Variants in PKIA observed in about 807,000 individuals in gnomAD.
The protein encoded by PKIA is PKI-alpha.
PKIA carries 4 observed loss-of-function variants against 7.6 expected under a neutral mutation model. The ratio of observed to expected loss-of-function variants is 0.52; its 90% CI spans 0.26 to 1.20. The LOEUF is 1.20. Among genes scored for constraint, PKIA ranks in the 50% most tolerant of loss-of-function variants. PKIA has a pLI of 0.13. For missense variants in PKIA, 73 were observed against 86.2 expected, an observed-to-expected ratio of 0.85 and a Z score of 0.61; for synonymous variants, 21 against 30.7, an observed-to-expected ratio of 0.68 and a Z score of 1.04.
chr8:78,603,610 AAC>A lies in PKIA; in HGVS notation c.*1793_*1794del, dbSNP rs1276722370. 1.3e-5 allele frequency: 2 copies of A among 151,984 alleles called. No homozygotes were observed. The highest frequency in any genetic ancestry group is 4.8e-5 in the African/African-American group (2 of 41,416). 9.4% of individuals were successfully genotyped at this position (151,984 alleles called of 1,614,324 possible). ...GGGCCAAAATGCCCAGTAAAATTCA[AAC>A]ACATCACCTATTAATAGACTTACAA... is the stretch of plus-strand genomic sequence containing the variant. On this transcript the variant is annotated 3_prime_UTR_variant, in exon 4 of 4. Transcript: ENST00000396418.
chr8:78,518,403 A>G (rs1809355736), intron 1 of PKIA, among the ~76,000 whole-genome samples: 1 of 152,234 alleles, frequency 6.6e-6, no homozygotes, highest in Non-Finnish European at 1.5e-5. Flanking sequence ...CAAACCCTGT[A>G]TTCTACCACC....
At chr8:78,563,557 T>A (rs1465511672) in intron 1 of PKIA, among the ~76,000 whole-genome samples, 1 of 152,096 alleles carries the variant, frequency 6.6e-6, no homozygotes, top group African/African-American at 2.4e-5. Flanking sequence ...ACTTTATTTT[T>A]AAAAGAAGGA....
chr8:78,547,126 T>C (rs775730734), intron 1 of PKIA, among the ~76,000 whole-genome samples: 1 of 152,178 alleles, frequency 6.6e-6, no homozygotes, highest in Non-Finnish European at 1.5e-5. Flanking sequence ...TTTGTTTTTT[T>C]GTGATTGGAG....
intron 1 of PKIA, among the ~76,000 whole-genome samples, chr8:78,568,655 A>ACAGGGCACCACAGGAGCCT (rs1389173879): frequency 6.6e-6 from 1 of 152,158 alleles, no homozygotes; most frequent in Non-Finnish European, 1.5e-5. Context: ...CATAGCTCAG[A>ACAGGGCACCACAGGAGCCT]CAGGGCACCA....
chr8:78,547,629 C>G (rs1170826789), intron 1 of PKIA, among the ~76,000 whole-genome samples: 2 of 152,086 alleles, frequency 1.3e-5, no homozygotes, highest in Non-Finnish European at 2.9e-5. Flanking sequence ...AATTTAAAGA[C>G]ATAAGATGAG....
At chr8:78,535,822 C>T (rs1585874689) in intron 1 of PKIA, 1 of 152,006 alleles carries the variant, frequency 6.6e-6, no homozygotes, top group Non-Finnish European at 1.5e-5. Flanking sequence ...TTAGGAATTA[C>T]AAGTAATTTA....
chr8:78,546,855 T>C (rs1806837060), intron 1 of PKIA, among the ~76,000 whole-genome samples: 1 of 152,220 alleles, frequency 6.6e-6, no homozygotes, highest in Admixed American at 6.5e-5. Flanking sequence ...CTGTTTCCAT[T>C]TTTAAGCATT....
intron 2 of PKIA, among the ~76,000 whole-genome samples, chr8:78,589,406 T>C (rs1808038859): frequency 1.3e-5 from 2 of 152,232 alleles, no homozygotes; most frequent in Admixed American, 6.5e-5. Context: ...TAAAGAAAGA[T>C]AGTACTTCTA....
At chr8:78,548,886 C>G (rs1362855107) in intron 1 of PKIA, among the ~76,000 whole-genome samples, 1 of 152,020 alleles carries the variant, frequency 6.6e-6, no homozygotes, top group Non-Finnish European at 1.5e-5. Flanking sequence ...TACTATCATA[C>G]TCAATTCATT....
At chr8:78,598,276 A>C in intron 2 of PKIA, 82 bp from the exon 3 acceptor site, 1 of 767,756 alleles carries the variant, frequency 1.3e-6, no homozygotes. Context: ...CAATTGTTTC[A>C]CATTCATATA....
At chr8:78,561,607 A>G (rs776650069) in intron 1 of PKIA, among the ~76,000 whole-genome samples, 14 of 152,130 alleles carry the variant, frequency 9.2e-5, no homozygotes, top group Non-Finnish European at 1.9e-4. Flanking sequence ...CCACGTATGT[A>G]TGATTTTGAA....
rs910823317 is a variant in PKIA at position 78,574,062 on chromosome 8, G to C, written c.-28+1123G>C. Among the ~76,000 whole-genome samples, 10 of 152,050 alleles carry C rather than the reference G, an allele frequency of 6.6e-5. No individual in the cohort carries two copies. The Middle Eastern group carries it at 0.02, about 310-fold the overall frequency. On this transcript the variant is annotated intron_variant, in intron 2 of 3. Coordinates refer to ENST00000396418, the MANE Select transcript of PKIA (RefSeq NM_006823.4). ...TTAGATGTACTATTCAATGATTAGT[G>C]CTTGGGGAGAAAATCCATCAGATAA...
chr8:78,547,296 G>A (rs1806849177), intron 1 of PKIA, among the ~76,000 whole-genome samples: 1 of 151,764 alleles, frequency 6.6e-6, no homozygotes, highest in Non-Finnish European at 1.5e-5. Flanking sequence ...TTAGAGACGG[G>A]GTTTCACCAT....
intron 1 of PKIA, among the ~76,000 whole-genome samples, chr8:78,568,582 G>T (rs1320585119): frequency 1.3e-5 from 2 of 152,098 alleles, no homozygotes; most frequent in African/African-American, 4.8e-5. Context: ...CTGGAAGGCA[G>T]ACTTACTTCG....
At chr8:78,553,850 A>G (rs1028521249) in intron 1 of PKIA, among the ~76,000 whole-genome samples, 1 of 151,866 alleles carries the variant, frequency 6.6e-6, no homozygotes, top group Non-Finnish European at 1.5e-5. Flanking sequence ...GTCAGATAAG[A>G]TTAACAACAA....
At chr8:78,546,676 T>C (rs1457086653) in intron 1 of PKIA, among the ~76,000 whole-genome samples, 2 of 152,228 alleles carry the variant, frequency 1.3e-5, no homozygotes, top group Non-Finnish European at 2.9e-5. Context: ...TGGCACCTGA[T>C]TGTTTTTCAT....
rs771184409 is a variant in PKIA, at chr8:78,598,468, T to G, written c.84T>G (p.Val28=). ...GRRNAIHDIL[V]SSASGNSNEL... ...GAAATGCAATACATGATATCCTGGT[T>G]TCCTCTGCAAGTGGCAACAGCAATG... is the stretch of plus-strand genomic sequence containing the variant. The change falls in exon 3 of 4, where the codon GTT becomes GTG. Residue 28 remains valine (V), a synonymous_variant. Transcript: ENST00000396418. 6.2e-7 allele frequency: 1 copy of G among 1,612,040 alleles called. No individual in the cohort carries two copies. Among genetic ancestry groups the G allele is most frequent in the South Asian group, 1.1e-5 (1 of 90,876 alleles).
intron 2 of PKIA, among the ~76,000 whole-genome samples, chr8:78,586,395 T>TA (rs1215181390): frequency 1.3e-5 from 2 of 152,218 alleles, no homozygotes. Flanking sequence ...AGCTTTTTTT[T>TA]AGGTGTCAAT....
chr8:78,554,138 C>A (rs959899829), intron 1 of PKIA, among the ~76,000 whole-genome samples: 6 of 151,938 alleles, frequency 3.9e-5, no homozygotes, highest in African/African-American at 1.4e-4. Flanking sequence ...GAATCATGGG[C>A]CATTCCCATA....
Sources: allele counts gnomAD v4.1 joint callset (sites outside exome capture counted in the v4.1 genomes callset), GRCh38; gene constraint gnomAD v4.1.1; transcripts MANE v1.5; gene names NCBI Gene and HGNC (gene_info 2026-07-23, HGNC 2026-07-21).